The following AHCY variants were observed in gnomAD, a reference collection of about 807,000 sequenced individuals.
The protein encoded by AHCY is adenosylhomocysteinase, also known as S-adenosyl-L-homocysteine hydrolase.
In AHCY, 24 loss-of-function variants were observed where a neutral mutation model predicts 45.4. That is an observed-to-expected ratio of 0.53 (90% CI 0.38 to 0.74). The LOEUF (loss-of-function observed/expected upper bound fraction) is 0.74. AHCY is among the 30% of genes least tolerant of loss of function. The pLI, the probability that AHCY is intolerant of heterozygous loss-of-function variation, is 0.00. For missense variants in AHCY, 449 were observed against 594.1 expected, an observed-to-expected ratio of 0.76 and a Z score of 2.54; for synonymous variants, 245 against 235.1, an observed-to-expected ratio of 1.04 and a Z score of -0.39.
At chr20:34,265,780 T>C in the AHCY span, among the ~76,000 whole-genome samples, 1 of 151,672 alleles carries the variant, frequency 6.6e-6, no homozygotes, top group South Asian at 2.1e-4. Context: ...TGAAACCCCA[T>C]CTCTACTAAA....
the AHCY span, among the ~76,000 whole-genome samples, chr20:34,239,303 G>A: frequency 6.6e-6 from 1 of 151,402 alleles, no homozygotes; most frequent in Non-Finnish European, 1.5e-5. Flanking sequence ...CGCAACCTCT[G>A]CCTCCCAGGT....
chr20:34,258,112 C>A, the AHCY span, among the ~76,000 whole-genome samples: 2 of 151,672 alleles, frequency 1.3e-5, no homozygotes, highest in African/African-American at 4.8e-5. Context: ...CCACTGCACT[C>A]CATCCTGGGC....
the AHCY span, among the ~76,000 whole-genome samples, chr20:34,270,266 G>T: frequency 5.3e-5 from 8 of 151,484 alleles, no homozygotes; most frequent in Admixed American, 4.0e-4. Context: ...AAAAAAAAAG[G>T]AAATAATCAT....
chr20:34,251,135 G>T, the AHCY span, among the ~76,000 whole-genome samples: 1 of 152,088 alleles, frequency 6.6e-6, no homozygotes, highest in Non-Finnish European at 1.5e-5. Context: ...CAATTGCAGT[G>T]GGCTTGTACA....
the AHCY span, chr20:34,262,845 A>T: frequency 6.2e-7 from 1 of 1,614,042 alleles, no homozygotes; most frequent in Non-Finnish European, 8.5e-7. Flanking sequence ...TGAACAAGAA[A>T]TCCAAACAGA....
At chr20:34,310,238 T>C (rs2036934464) in intron 1 of AHCY, among the ~76,000 whole-genome samples, 1 of 152,118 alleles carries the variant, frequency 6.6e-6, no homozygotes, top group Admixed American at 6.5e-5. Flanking sequence ...TATTTTTATT[T>C]TTAATAGAGA....
chr20:34,274,101 G>A, the AHCY span, among the ~76,000 whole-genome samples: 1 of 152,082 alleles, frequency 6.6e-6, no homozygotes, highest in Admixed American at 6.6e-5. Context: ...TAGAATTCGT[G>A]GACTCTATGG....
rs765839017 is a variant in AHCY, at chr20:34,281,050, T to C, written c.1283A>G (p.Asp428Gly). The change falls in exon 10 of 10, where the codon GAT becomes GGT. Residue 428 changes from aspartate (D) to glycine (G), a missense_variant. Physicochemically the swap from Asp to Gly is moderately conservative, Grantham distance 94 (BLOSUM62 -1). Coordinates refer to ENST00000217426, the MANE Select transcript of AHCY (RefSeq NM_000687.4). ...GMSCDGPFKPDHYRY is the reference protein window; with the variant it reads ...GMSCDGPFKPGHYRY The stretch of plus-strand genomic sequence containing the variant: ...ACCTGGCTCTCAGTAGCGGTAGTGA[T>C]CCGGCTTGAAGGGGCCATCACAGGA... 1 of 1,614,172 alleles carries C rather than the reference T, an allele frequency of 6.2e-7. No individual in the cohort carries two copies. The highest frequency in any genetic ancestry group is 8.5e-7 in the Non-Finnish European group (1 of 1,180,026).
intron 1 of AHCY, 27 bp from the exon 2 acceptor site, chr20:34,295,612 C>T (rs766520912): frequency 6.2e-6 from 10 of 1,609,834 alleles, no homozygotes; most frequent in Middle Eastern, 1.7e-4. Flanking sequence ...GTGGGAGTTC[C>T]GTGAGTCCCC....
In AHCY at chr20:34,290,966, TA is replaced by T. The variant is rs1356359231; in HGVS notation, c.559-29del. 6.2e-7 allele frequency: 1 copy of T among 1,611,172 alleles called. No homozygotes were observed. The highest frequency in any genetic ancestry group is 8.5e-7 in the Non-Finnish European group (1 of 1,177,774). On this transcript the variant is annotated intron_variant, in intron 5 of 9. Transcript: ENST00000217426. This position sits in a 1 kb window ranked among gnomAD's most constrained non-coding sequence, Gnocchi z 4.5. Reference sequence around the variant, plus strand: ...GAAAGGAAAGGGGGTAAGGAGACAATAGGGGCAGGCAAGGCCCTGGGGCCAG... The same window carrying T: ...GAAAGGAAAGGGGGTAAGGAGACAATGGGGCAGGCAAGGCCCTGGGGCCAG...
At chr20:34,269,480 GC>G in the AHCY span, 1 of 389,886 alleles carries the variant, frequency 2.6e-6, no homozygotes, top group African/African-American at 2.1e-5. Flanking sequence ...CACCGCTGCT[GC>G]CGACCTGGGG....
At chr20:34,258,690 TAC>T in the AHCY span, among the ~76,000 whole-genome samples, 6,759 of 72,288 alleles carry the variant, frequency 0.094, 2,541 homozygotes, top group African/African-American at 0.48. Flanking sequence ...TATATATATA[TAC>T]ATACTATATA....
chr20:34,263,425 C>T, the AHCY span, among the ~76,000 whole-genome samples: 2 of 151,842 alleles, frequency 1.3e-5, no homozygotes, highest in Admixed American at 6.6e-5. Context: ...ATTAGCCAGG[C>T]GTGGTGGTGG....
Position 34,295,494 on chromosome 20 carries a change from C to G in AHCY, c.120G>C (p.Ser40=), listed in dbSNP as rs200709654. The G allele has an allele frequency of 6.2e-7, 1 of 1,614,018 alleles. No individual in the cohort carries two copies. Among genetic ancestry groups the G allele is most frequent in the Non-Finnish European group, 8.5e-7 (1 of 1,180,012 alleles). Residue 40 remains serine (S), a synonymous_variant, in exon 2 of 10, where the codon TCG becomes TCC. Transcript: ENST00000217426. ...PGLMRMRERY[S]ASKPLKGARI... ...GGGCGCCCTTCAGTGGCTTGGAGGC[C>G]GAGTACCGCTCCCGCATACGCATCA...
At chr20:34,258,674 C>CATATATATATATATATACATACTATAT in the AHCY span, among the ~76,000 whole-genome samples, 1 of 12,146 alleles carries the variant, frequency 8.2e-5, no homozygotes, top group Middle Eastern at 0.071. Context: ...AGGGGGATGC[C>CATATATATATATATATACATACTATAT]ATATATATAT....
chr20:34,243,750 A>G, the AHCY span, among the ~76,000 whole-genome samples: 1 of 143,696 alleles, frequency 7.0e-6, no homozygotes, highest in Admixed American at 6.8e-5. Context: ...TTTTTCTAAT[A>G]TTGTATTTAA....
At chr20:34,303,987 A>C (rs2036862976), upstream of AHCY, among the ~76,000 whole-genome samples, 1 of 152,236 alleles carries the variant, frequency 6.6e-6, no homozygotes, top group African/African-American at 2.4e-5. Flanking sequence ...CGAAAGGGCA[A>C]GACCCTATCT....
At chr20:34,292,300 G>T (rs892414163) in intron 4 of AHCY, 58 bp downstream of exon 4, 2 of 1,587,302 alleles carry the variant, frequency 1.3e-6, no homozygotes. Context: ...CCATCATGTG[G>T]GCAAACAGGC....
chr20:34,304,496 T>A (rs952759980), upstream of AHCY, among the ~76,000 whole-genome samples: 5 of 152,162 alleles, frequency 3.3e-5, no homozygotes, highest in East Asian at 9.6e-4. Context: ...TTTATAGTTA[T>A]GTTTTTTTAA....
Sources: allele counts gnomAD v4.1 joint callset (sites outside exome capture counted in the v4.1 genomes callset), GRCh38; gene constraint gnomAD v4.1.1; non-coding constraint Gnocchi (gnomAD v3.1); transcripts MANE v1.5; gene names NCBI Gene and HGNC (gene_info 2026-07-23, HGNC 2026-07-21).